Variants in MALRD1 observed in about 807,000 individuals in gnomAD.
The protein encoded by MALRD1 is MAM and LDL receptor class A domain containing 1, also known as MAM and LDL-receptor class A domain-containing protein 1.
A neutral mutation model predicts 242.1 loss-of-function variants in MALRD1; 247 were observed. The observed-to-expected ratio is 1.02, with a 90% confidence interval of 0.92 to 1.13. MALRD1 has a LOEUF of 1.13. Among genes scored for constraint, MALRD1 ranks in the 50% most tolerant of loss-of-function variants. The probability of loss-of-function intolerance (pLI) is 0.00; values close to 1 mark genes in which losing one functional copy is unlikely to be tolerated. For synonymous variants in MALRD1, 995 were observed against 866.6 expected, an observed-to-expected ratio of 1.15 and a Z score of -2.60; for missense variants, 2,989 against 2,533.1, an observed-to-expected ratio of 1.18 and a Z score of -3.86.
intron 28 of MALRD1, among the ~76,000 whole-genome samples, chr10:19,421,095 T>G (rs187687350): frequency 6.6e-6 from 1 of 152,260 alleles, no homozygotes; most frequent in Admixed American, 6.5e-5. Context: ...ATGGGAGAGA[T>G]CTTGCTCTGT....
intron 18 of MALRD1, among the ~76,000 whole-genome samples, chr10:19,229,247 A>G (rs554363901): frequency 1.3e-5 from 2 of 152,334 alleles, no homozygotes; most frequent in South Asian, 2.1e-4. Flanking sequence ...GTAAACTAGT[A>G]TAACGAAGTT....
chr10:19,482,042 G>T (rs1414398042), intron 29 of MALRD1, among the ~76,000 whole-genome samples: 1 of 151,370 alleles, frequency 6.6e-6, no homozygotes, highest in Admixed American at 6.6e-5. Context: ...CTAAATTGTT[G>T]GCATCACTAG....
chr10:19,533,931 G>A (rs969039725), intron 32 of MALRD1, among the ~76,000 whole-genome samples: 1 of 152,224 alleles, frequency 6.6e-6, no homozygotes, highest in Non-Finnish European at 1.5e-5. Context: ...ATTTAATGCA[G>A]AGGAAGAGAG....
chr10:19,184,630 C>A (rs1006023783), intron 14 of MALRD1, among the ~76,000 whole-genome samples: 1 of 152,092 alleles, frequency 6.6e-6, no homozygotes, highest in South Asian at 2.1e-4. Flanking sequence ...CTCACTGCAA[C>A]CTCTGCTTCC....
At chr10:19,405,774 T>C (rs117050145) in intron 28 of MALRD1, among the ~76,000 whole-genome samples, 12 of 152,290 alleles carry the variant, frequency 7.9e-5, no homozygotes, top group Non-Finnish European at 1.6e-4. Flanking sequence ...AGCCACATGT[T>C]CTATTCTTCC....
intron 34 of MALRD1, 54 bp from the exon 35 acceptor site, chr10:19,607,723 G>T: frequency 1.3e-6 from 2 of 1,515,666 alleles, no homozygotes; most frequent in South Asian, 1.3e-5. Flanking sequence ...GAATTCATTG[G>T]GACAAAAAAA....
At chr10:19,245,922 G>A (rs1839023237) in intron 18 of MALRD1, among the ~76,000 whole-genome samples, 1 of 152,124 alleles carries the variant, frequency 6.6e-6, no homozygotes, top group African/African-American at 2.4e-5. Context: ...CTCCTAAATA[G>A]CATCAAGGAC....
intron 28 of MALRD1, among the ~76,000 whole-genome samples, chr10:19,434,432 A>G (rs1478822678): frequency 6.6e-6 from 1 of 152,108 alleles, no homozygotes; most frequent in Non-Finnish European, 1.5e-5. Flanking sequence ...ATAGTCTACA[A>G]TGATTTCATT....
chr10:19,443,963 A>G (rs904918253), intron 28 of MALRD1, among the ~76,000 whole-genome samples: 1 of 152,120 alleles, frequency 6.6e-6, no homozygotes, highest in Non-Finnish European at 1.5e-5. Context: ...GTAGGTCTCT[A>G]AGGACTTGCT....
chr10:19,369,125 TATTA>T (rs1265683200), intron 26 of MALRD1, among the ~76,000 whole-genome samples: 5 of 140,764 alleles, frequency 3.6e-5, no homozygotes, highest in East Asian at 2.0e-4. Context: ...AACATTTAAA[TATTA>T]ATTATTTAAA....
intron 36 of MALRD1, among the ~76,000 whole-genome samples, chr10:19,681,138 TG>T (rs1435068830): frequency 6.6e-6 from 1 of 152,140 alleles, no homozygotes. Flanking sequence ...GGTCTTCTTC[TG>T]GAGTATCTTA....
chr10:19,509,848 G>A (rs575258800), intron 31 of MALRD1, among the ~76,000 whole-genome samples: 22 of 152,208 alleles, frequency 1.4e-4, no homozygotes, highest in South Asian at 2.1e-4. Flanking sequence ...GGTGTTTCTC[G>A]TCAGGTGGAA....
At chr10:19,270,524 A>G (rs990306141) in intron 19 of MALRD1, among the ~76,000 whole-genome samples, 1 of 152,090 alleles carries the variant, frequency 6.6e-6, no homozygotes, top group African/African-American at 2.4e-5. Flanking sequence ...GGTGAGAGAA[A>G]AAAAGAGAGA....
chr10:19,071,924 C>T (rs1590388304), intron 2 of MALRD1, among the ~76,000 whole-genome samples: 1 of 152,124 alleles, frequency 6.6e-6, no homozygotes, highest in African/African-American at 2.4e-5. Context: ...TACTGAACAT[C>T]TGTATTGCTC....
chr10:19,327,302 A>C (rs975242559), intron 22 of MALRD1, among the ~76,000 whole-genome samples: 13 of 152,080 alleles, frequency 8.5e-5, no homozygotes, highest in African/African-American at 3.1e-4. Flanking sequence ...TTGAGTTCTT[A>C]ATTAAATGGT....
intron 24 of MALRD1, among the ~76,000 whole-genome samples, chr10:19,346,019 A>AG (rs1844103928): frequency 6.6e-6 from 1 of 152,094 alleles, no homozygotes; most frequent in African/African-American, 2.4e-5. Flanking sequence ...TCCTAGCATC[A>AG]TGTGATCCTC....
intron 36 of MALRD1, among the ~76,000 whole-genome samples, chr10:19,625,208 A>G (rs540970048): frequency 1.3e-3 from 203 of 152,272 alleles, no homozygotes; most frequent in African/African-American, 4.6e-3. Flanking sequence ...CTCTTTGAAG[A>G]TCTGACTAGA....
At chr10:19,104,558 T>C (rs1185097202) in intron 5 of MALRD1, among the ~76,000 whole-genome samples, 1 of 152,122 alleles carries the variant, frequency 6.6e-6, no homozygotes, top group Non-Finnish European at 1.5e-5. Context: ...TTGATTATAT[T>C]AACTAATATT....
intron 26 of MALRD1, among the ~76,000 whole-genome samples, chr10:19,353,998 A>G (rs1028593245): frequency 3.3e-5 from 5 of 151,848 alleles, no homozygotes; most frequent in Admixed American, 3.3e-4. Flanking sequence ...AAGTCCTAGG[A>G]TTTCAGGCAT....
Sources: gnomAD v4.1 joint callset for allele counts (sites outside exome capture counted in the v4.1 genomes callset) on GRCh38, gnomAD v4.1.1 for gene constraint, MANE v1.5 for transcripts, NCBI Gene and HGNC (gene_info 2026-07-23, HGNC 2026-07-21) for gene names.